The following PCDHGB5 variants were observed in gnomAD, a reference collection of about 807,000 sequenced individuals.
PCDHGB5 encodes the protein protocadherin gamma-B5.
In PCDHGB5, 48 loss-of-function variants were observed where a neutral mutation model predicts 62.9. The ratio of observed to expected loss-of-function variants is 0.76; its 90% CI spans 0.61 to 0.97. PCDHGB5 has a LOEUF of 0.97. PCDHGB5 is among the 50% of genes least tolerant of loss of function. PCDHGB5 has a pLI of 0.00. For missense variants in PCDHGB5, 1,118 were observed against 1,198.6 expected (o/e 0.93, Z 0.99); for synonymous variants, 474 against 511.2 (o/e 0.93, Z 0.98).
intron 1 of PCDHGB5, chr5:141,442,056 C>T: frequency 5.0e-6 from 1 of 198,150 alleles, no homozygotes; most frequent in Non-Finnish European, 1.0e-5. Flanking sequence ...GGTCGCGGTG[C>T]ACTGCGGTGG....
In PCDHGB5 at chr5:141,489,664, A is replaced by C. The variant is rs745597010; in HGVS notation, c.2398-5143A>C. 1.9e-6 allele frequency: 3 copies of C among 1,614,224 alleles called. No individual in the cohort carries two copies. Among genetic ancestry groups the C allele is most frequent in the African/African-American group, 1.3e-5 (1 of 75,058 alleles). On this transcript the variant is annotated intron_variant, in intron 1 of 3. Transcript: ENST00000617380. This position sits in a 1 kb window ranked among gnomAD's most constrained non-coding sequence, Gnocchi z 4.5. ...TGCCACCCCTGAGCGAGAGATGCGC[A>C]TCTCAGAATCAGCAGCATCTGGGGC... is the stretch of plus-strand genomic sequence containing the variant.
chr5:141,431,736 G>T lies in PCDHGB5; in HGVS notation c.2397+31212G>T. On this transcript the variant is annotated intron_variant, in intron 1 of 3. Transcript: ENST00000617380. The surrounding 1 kb of genome is among the most constrained non-coding windows in gnomAD (Gnocchi z 4.8). ...GAAGTGCAAGCAATGGATAATGCAG[G>T]ATATTCTGCGCGAGCCAAAGTCCTG... 1 of 1,614,218 alleles carries T rather than the reference G, an allele frequency of 6.2e-7. No individual in the cohort carries two copies. The highest frequency in any genetic ancestry group is 8.5e-7 in the Non-Finnish European group (1 of 1,180,046).
chr5:141,457,159 T>C (rs908257499), intron 1 of PCDHGB5, among the ~76,000 whole-genome samples: 5 of 152,212 alleles, frequency 3.3e-5, no homozygotes, highest in Non-Finnish European at 7.3e-5. Flanking sequence ...GGTGCTACCA[T>C]GGATAACCCT....
rs775204388 is a variant in PCDHGB5, at chr5:141,490,235, G to T, written c.2398-4572G>T. On this transcript the variant is annotated intron_variant, in intron 1 of 3. Transcript: ENST00000617380. This position sits in a 1 kb window ranked among gnomAD's most constrained non-coding sequence, Gnocchi z 5.4. ...GACCAGGGACAGCCTGCCATGGAGG[G>T]CCACTGTGTGATTCAAGTGGATGTG... 1 of 1,614,228 alleles carries T rather than the reference G, an allele frequency of 6.2e-7. No homozygotes were observed. The highest frequency in any genetic ancestry group is 1.1e-5 in the South Asian group (1 of 91,084).
At position 141,408,734 on chromosome 5, in the gene PCDHGB5, T is replaced by C. The variant is rs376769558; in HGVS notation, c.2397+8210T>C. 1.5e-4 allele frequency: 244 copies of C among 1,610,058 alleles called. No homozygotes were observed. The highest frequency in any genetic ancestry group is 1.9e-4 in the Non-Finnish European group (226 of 1,177,812). On this transcript the variant is annotated intron_variant, in intron 1 of 3. Transcript: ENST00000617380. ...TTATAAGATAAACTCTAATCCTTAT[T>C]TTTCATTAATGGTTAGAGTTAATTC...
rs561817609 is a variant in PCDHGB5, at chr5:141,496,904, G to A, written c.2456+2039G>A. Among the ~76,000 whole-genome samples, 12 of 137,476 alleles carry A rather than the reference G, an allele frequency of 8.7e-5. 1 individual carries two copies. The South Asian group carries it at 2.0e-3, about 23-fold the overall frequency. The allele number at this position is 137,476 out of a possible 152,430, so 90.2% of individuals were successfully genotyped here. On this transcript the variant is annotated intron_variant, in intron 2 of 3. Transcript: ENST00000617380. ...AGTAACACTTAAAAAAAAAAAAAAA[G>A]GCTGGGCACTGTGGTTCACGCCTGT...
chr5:141,418,345 T>C, intron 1 of PCDHGB5: 1 of 1,614,000 alleles, frequency 6.2e-7, no homozygotes, highest in Non-Finnish European at 8.5e-7. Context: ...ATCCTGATAT[T>C]AGTATGAATT....
chr5:141,419,933 C>CTGG (rs1192896428), intron 1 of PCDHGB5: 1 of 1,613,952 alleles, frequency 6.2e-7, no homozygotes, highest in African/African-American at 1.3e-5. Context: ...GCAGTTTTAC[C>CTGG]TGGTGGTGGC....
chr5:141,419,524 T>C (rs1400473876), intron 1 of PCDHGB5: 4 of 1,612,164 alleles, frequency 2.5e-6, no homozygotes, highest in Non-Finnish European at 3.4e-6. Flanking sequence ...TGGGCGACCG[T>C]AACGACAACG....
intron 1 of PCDHGB5, among the ~76,000 whole-genome samples, chr5:141,424,873 A>G (rs549945556): frequency 3.9e-5 from 6 of 152,198 alleles, no homozygotes; most frequent in Non-Finnish European, 8.8e-5. Context: ...CAAATGAGGA[A>G]AGGAGACTTA....
At chr5:141,409,330 C>T (rs920851409) in intron 1 of PCDHGB5, 1 of 1,613,836 alleles carries the variant, frequency 6.2e-7, no homozygotes, top group African/African-American at 1.3e-5. Flanking sequence ...ATCTGGATTT[C>T]GGAGGAAATG....
rs1373988780 is a variant in PCDHGB5, at chr5:141,404,040, G to A, written c.2397+3516G>A. 1.9e-5 allele frequency: 30 copies of A among 1,613,694 alleles called. No homozygotes were observed. The highest frequency in any genetic ancestry group is 2.3e-5 in the Non-Finnish European group (27 of 1,179,836). On this transcript the variant is annotated intron_variant, in intron 1 of 3. Transcript: ENST00000617380. Reference sequence around the variant, plus strand: ...CCAGTGAGAGAAGACGCACCTCAGGGAACAGTAATTCTTCTTTTCAATGCT... The same window carrying A: ...CCAGTGAGAGAAGACGCACCTCAGGAAACAGTAATTCTTCTTTTCAATGCT...
chr5:141,399,602 T>G lies in PCDHGB5; in HGVS notation c.1475T>G (p.Leu492Arg). 6.2e-7 allele frequency: 1 copy of G among 1,613,956 alleles called. No homozygotes were observed. The highest frequency in any genetic ancestry group is 1.1e-5 in the South Asian group (1 of 91,084). ...QVSYSIMASD[L>R]EPLALASYVS... ...TCCTACTCTATCATGGCCAGCGACC[T>G]AGAGCCTCTGGCACTGGCCTCTTAC... Residue 492 changes from leucine to arginine, a missense_variant, in exon 1 of 4, where the codon CTA becomes CGA. Transcript: ENST00000617380.
rs114918874 is a variant in PCDHGB5 at position 141,487,585 on chromosome 5, C to T, written c.2398-7222C>T. On this transcript the variant is annotated intron_variant, in intron 1 of 3. Transcript: ENST00000617380. This position sits in a 1 kb window ranked among gnomAD's most constrained non-coding sequence, Gnocchi z 5.0. Reference sequence around the variant, plus strand: ...CAGGGGAGCCTGTTCGCCCAAGCTGCCCACCCTCTGATCTTCTCTATGGGC... The same window carrying T: ...CAGGGGAGCCTGTTCGCCCAAGCTGTCCACCCTCTGATCTTCTCTATGGGC... 7,902 of 1,614,160 alleles carry T rather than the reference C, an allele frequency of 4.9e-3. 42 individuals are homozygous for T. The highest frequency in any genetic ancestry group is 8.8e-3 in the Admixed American group (531 of 60,020).
intron 1 of PCDHGB5, chr5:141,411,968 T>C (rs1257112227): frequency 6.6e-6 from 1 of 152,260 alleles, no homozygotes; most frequent in Non-Finnish European, 1.5e-5. Flanking sequence ...GATAAAATCT[T>C]TGAAGAGTTC....
chr5:141,476,421 C>G lies in PCDHGB5; in HGVS notation c.2398-18386C>G. 1 of 1,614,026 alleles carries G rather than the reference C, an allele frequency of 6.2e-7. No homozygotes were observed. Among genetic ancestry groups the G allele is most frequent in the South Asian group, 1.1e-5 (1 of 91,066 alleles). On this transcript the variant is annotated intron_variant, in intron 1 of 3. Transcript: ENST00000617380. The surrounding 1 kb of genome is among the most constrained non-coding windows in gnomAD (Gnocchi z 7.6). ...CGAGAGGAGCTGTGTGGGACACTGC[C>G]CTCTTGCACTGTAACTCTGGAGTTG...
At chr5:141,450,676 G>A (rs1174388119) in intron 1 of PCDHGB5, among the ~76,000 whole-genome samples, 5 of 151,796 alleles carry the variant, frequency 3.3e-5, no homozygotes, top group African/African-American at 7.3e-5. Flanking sequence ...TAGTAGAAAC[G>A]GGGTTTTGCC....
rs376494807 is a variant in PCDHGB5 at position 141,491,836 on chromosome 5, G to A, written c.2398-2971G>A. 4.2e-5 allele frequency: 62 copies of A among 1,472,880 alleles called. No homozygotes were observed. The highest frequency in any genetic ancestry group is 3.6e-4 in the Middle Eastern group (2 of 5,606). 91.2% of individuals were successfully genotyped at this position (1,472,880 alleles called of 1,614,324 possible). A position where few individuals can be genotyped will look rare whatever the true frequency, so the allele number is the denominator to read the frequency against. On this transcript the variant is annotated intron_variant, in intron 1 of 3. Coordinates refer to ENST00000617380, the MANE Select transcript of PCDHGB5 (RefSeq NM_018925.3). This position sits in a 1 kb window ranked among gnomAD's most constrained non-coding sequence, Gnocchi z 6.9. ...CTGGCTGCGCTCCACCCGATTCTCG[G>A]GATCATTGGACCGTTTGCGCGAAAC...
At chr5:141,435,214 A>T (rs1314928643) in intron 1 of PCDHGB5, among the ~76,000 whole-genome samples, 1 of 152,176 alleles carries the variant, frequency 6.6e-6, no homozygotes, top group Non-Finnish European at 1.5e-5. Context: ...AAGTGAATTT[A>T]CTTTCTTTCA....
Sources: allele counts gnomAD v4.1 joint callset (sites outside exome capture counted in the v4.1 genomes callset), GRCh38; gene constraint gnomAD v4.1.1; non-coding constraint Gnocchi (gnomAD v3.1); transcripts MANE v1.5; gene names NCBI Gene and HGNC (gene_info 2026-07-23, HGNC 2026-07-21).